The following MCC variants were observed in gnomAD, a reference collection of about 807,000 sequenced individuals.
MCC encodes the protein colorectal mutant cancer protein.
A neutral mutation model predicts 116.2 loss-of-function variants in MCC; 90 were observed. The ratio of observed to expected loss-of-function variants is 0.77; its 90% CI spans 0.65 to 0.92. The LOEUF is 0.92. MCC is among the 40% of genes least tolerant of loss of function. The pLI is 0.00. For missense variants in MCC, 1,516 were observed against 1,312.2 expected, an observed-to-expected ratio of 1.16 and a Z score of -2.40; for synonymous variants, 578 against 510.5, an observed-to-expected ratio of 1.13 and a Z score of -1.78.
intron 3 of MCC, among the ~76,000 whole-genome samples, chr5:113,180,890 C>G (rs577297298): frequency 3.3e-5 from 5 of 152,136 alleles, no homozygotes; most frequent in African/African-American, 1.2e-4. Flanking sequence ...AAGTTACTTA[C>G]GTCCTTCTAA....
At chr5:113,261,706 T>C (rs558408133) in intron 3 of MCC, among the ~76,000 whole-genome samples, 9 of 152,238 alleles carry the variant, frequency 5.9e-5, no homozygotes, top group Non-Finnish European at 1.0e-4. Context: ...ACATCCTATT[T>C]GACTACAATC....
At chr5:113,092,832 T>C (rs1419439094) in intron 8 of MCC, among the ~76,000 whole-genome samples, 2 of 152,184 alleles carry the variant, frequency 1.3e-5, no homozygotes, top group Admixed American at 6.5e-5. Context: ...ACTCTGAGAC[T>C]CAGCAGTTTC....
At chr5:113,095,222 C>A (rs1031026947) in intron 8 of MCC, among the ~76,000 whole-genome samples, 3 of 152,050 alleles carry the variant, frequency 2.0e-5, no homozygotes, top group Admixed American at 1.3e-4. Context: ...AGGATGAGGA[C>A]AAGGGTGGAC....
intron 14 of MCC, among the ~76,000 whole-genome samples, chr5:113,059,909 T>C (rs1001995221): frequency 6.6e-6 from 1 of 152,134 alleles, no homozygotes; most frequent in African/African-American, 2.4e-5. Flanking sequence ...CGACGTCAAA[T>C]ATCCTCTCTT....
At chr5:113,362,006 A>G (rs140544512) in intron 2 of MCC, among the ~76,000 whole-genome samples, 208 of 152,212 alleles carry the variant, frequency 1.4e-3, no homozygotes, top group African/African-American at 4.7e-3. Context: ...TAGATGGCAT[A>G]TTGTGGGGCT....
chr5:113,327,632 A>G (rs887022846), intron 3 of MCC, among the ~76,000 whole-genome samples: 5 of 145,790 alleles, frequency 3.4e-5, no homozygotes, highest in African/African-American at 1.3e-4. Context: ...GATATTGCCT[A>G]CCAATTCTTT....
rs1485939926 is a variant in MCC, at chr5:113,385,139, C to G, written c.244G>C (p.Ala82Pro). 3 of 1,614,084 alleles carry G rather than the reference C, an allele frequency of 1.9e-6. No individual in the cohort carries two copies. The African/African-American group carries it at 4.0e-5, about 22-fold the overall frequency. ...SVAEIMNQLG[A>P]DENGKISFQD... ...AAGGAAATCTTCCCATTTTCATCTG[C>G]TCCCAACTGGTTCATGATCTCAGCC... Residue 82 changes from alanine to proline, a missense_variant, in exon 2 of 19, where the codon GCA becomes CCA. Ala to Pro is a conservative substitution (Grantham distance 27). Transcript: ENST00000408903.
intron 1 of MCC, among the ~76,000 whole-genome samples, chr5:113,469,433 A>C (rs1265912644): frequency 6.6e-6 from 1 of 152,002 alleles, no homozygotes; most frequent in South Asian, 2.1e-4. Flanking sequence ...CCTTCATTTT[A>C]CTATTTACCC....
chr5:113,294,074 C>A (rs553614797), intron 3 of MCC, among the ~76,000 whole-genome samples: 103 of 152,274 alleles, frequency 6.8e-4, no homozygotes, highest in Non-Finnish European at 1.4e-3. Context: ...AAACGCCTCG[C>A]GGCTTGGTGA....
chr5:113,334,991 A>G (rs575040688), intron 3 of MCC, among the ~76,000 whole-genome samples: 59 of 151,866 alleles, frequency 3.9e-4, no homozygotes, highest in Admixed American at 1.8e-3. Context: ...CAATTCCCTG[A>G]AAATCTAAAG....
At chr5:113,162,276 G>T (rs1760531214) in intron 3 of MCC, among the ~76,000 whole-genome samples, 1 of 152,134 alleles carries the variant, frequency 6.6e-6, no homozygotes, top group Non-Finnish European at 1.5e-5. Flanking sequence ...CATGGTTAAG[G>T]ACATAGGCTT....
intron 3 of MCC, among the ~76,000 whole-genome samples, chr5:113,333,864 T>TATATGTAC (rs1419648890): frequency 5.2e-5 from 6 of 114,296 alleles, no homozygotes; most frequent in African/African-American, 1.9e-4. Flanking sequence ...CATATATGTA[T>TATATGTAC]ATATGTATTC....
At position 113,248,863 on chromosome 5, in the gene MCC, T is replaced by C. The variant is rs542184989; in HGVS notation, c.627+91656A>G. On this transcript the variant is annotated intron_variant, in intron 3 of 18. Coordinates refer to ENST00000408903, the MANE Select transcript of MCC (RefSeq NM_001085377.2). The stretch of plus-strand genomic sequence containing the variant: ...TTTTTTTTGAGATGGAGTCTCACTG[T>C]GTCACCCAGGCTAGAGTGCAGCGGC... Among the ~76,000 whole-genome samples the C allele has an allele frequency of 7.3e-5, 10 of 136,866 alleles. No homozygotes were observed. In the East Asian group the frequency reaches 2.1e-3, roughly 28 times the overall value. 89.8% of individuals were successfully genotyped at this position (136,866 alleles called of 152,430 possible). A position where few individuals can be genotyped will look rare whatever the true frequency, so the allele number is the denominator to read the frequency against.
intron 2 of MCC, among the ~76,000 whole-genome samples, chr5:113,354,114 C>G (rs1768350449): frequency 1.3e-5 from 2 of 152,208 alleles, no homozygotes; most frequent in African/African-American, 4.8e-5. Context: ...ACACTGCCAT[C>G]CAAGGGTCAG....
intron 11 of MCC, among the ~76,000 whole-genome samples, chr5:113,071,560 C>T (rs765573901): frequency 6.6e-6 from 1 of 152,156 alleles, no homozygotes; most frequent in Non-Finnish European, 1.5e-5. Flanking sequence ...ACCTCCAGGC[C>T]GCCATCATGT....
intron 2 of MCC, among the ~76,000 whole-genome samples, chr5:113,379,799 A>G (rs907823430): frequency 6.6e-6 from 1 of 152,240 alleles, no homozygotes; most frequent in African/African-American, 2.4e-5. Flanking sequence ...CAGAGAATGC[A>G]TGGCCTAAGA....
chr5:113,204,822 G>A (rs1001737307), intron 3 of MCC, among the ~76,000 whole-genome samples: 1 of 152,130 alleles, frequency 6.6e-6, no homozygotes, highest in Non-Finnish European at 1.5e-5. Context: ...AATTCAAGGT[G>A]GATTAGTCTG....
At chr5:113,156,078 AGGGAGCAGAAAGGTGCCT>A (rs1760153744) in intron 3 of MCC, among the ~76,000 whole-genome samples, 1 of 152,210 alleles carries the variant, frequency 6.6e-6, no homozygotes, top group African/African-American at 2.4e-5. Flanking sequence ...CTGAGACTCT[AGGGAGCAGAAAGGTGCCT>A]CAGTCCCTAG....
Position 113,434,411 on chromosome 5 carries a change from G to A in MCC, c.171-49199C>T. On this transcript the variant is annotated intron_variant, in intron 1 of 18. Coordinates refer to ENST00000408903, the MANE Select transcript of MCC (RefSeq NM_001085377.2). The surrounding 1 kb of genome is among the most constrained non-coding windows in gnomAD (Gnocchi z 4.2). ...GCTTGATGTTGAAGTCCTTGTCAAGGAGAAGGTTGTCACACTTGAGGTCCC... is the reference window on the plus strand; with the variant it reads ...GCTTGATGTTGAAGTCCTTGTCAAGAAGAAGGTTGTCACACTTGAGGTCCC... The A allele has an allele frequency of 6.2e-7, 1 of 1,614,004 alleles. No homozygotes were observed. The highest frequency in any genetic ancestry group is 1.1e-5 in the South Asian group (1 of 91,068).
Sources: allele counts gnomAD v4.1 joint callset (sites outside exome capture counted in the v4.1 genomes callset), GRCh38; gene constraint gnomAD v4.1.1; non-coding constraint Gnocchi (gnomAD v3.1); transcripts MANE v1.5; gene names NCBI Gene and HGNC (gene_info 2026-07-23, HGNC 2026-07-21).